The following EXOC2 variants were observed in gnomAD, a reference collection of about 807,000 sequenced individuals.
The protein encoded by EXOC2 is SEC5-like 1.
EXOC2 carries 70 observed loss-of-function variants against 131.8 expected under a neutral mutation model. The ratio of observed to expected loss-of-function variants is 0.53; its 90% CI spans 0.44 to 0.65. EXOC2 has a LOEUF of 0.65. Among genes scored for constraint, EXOC2 ranks in the 30% least tolerant of loss-of-function variants. The probability of loss-of-function intolerance (pLI) is 0.00; values close to 1 mark genes in which losing one functional copy is unlikely to be tolerated. For missense variants in EXOC2, 923 were observed against 1,108.6 expected, an observed-to-expected ratio of 0.83 and a Z score of 2.38; for synonymous variants, 411 against 398.4, an observed-to-expected ratio of 1.03 and a Z score of -0.38.
chr6:664,406 AC>A (rs1262783329), intron 1 of EXOC2, among the ~76,000 whole-genome samples: 10 of 145,228 alleles, frequency 6.9e-5, no homozygotes, highest in Admixed American at 6.1e-4. Flanking sequence ...CAATCCTACC[AC>A]CATCACTCTA....
intron 11 of EXOC2, 139 bp downstream of exon 11, chr6:592,330 A>G: frequency 1.4e-6 from 1 of 730,942 alleles, no homozygotes; most frequent in Non-Finnish European, 2.2e-6. Context: ...GTGGCCAAAA[A>G]AACCACAAAA....
chr6:634,243 G>C lies in EXOC2; in HGVS notation c.119-1126C>G, dbSNP rs556869996. On this transcript the variant is annotated intron_variant, in intron 2 of 27. Coordinates refer to ENST00000230449, the MANE Select transcript of EXOC2 (RefSeq NM_018303.6). ...ACCACGCTCGGCTAGTTTTTTTGTT[G>C]TTGTTTTGTTTTTGTATTTTTTTTA... is the stretch of plus-strand genomic sequence containing the variant. 2.0e-4 allele frequency among the ~76,000 whole-genome samples: 31 copies of C among 152,016 alleles called. No homozygotes were observed. The East Asian group carries it at 3.7e-3, about 18-fold the overall frequency.
intron 13 of EXOC2, among the ~76,000 whole-genome samples, chr6:567,058 T>G (rs1408283417): frequency 6.6e-6 from 1 of 152,226 alleles, no homozygotes; most frequent in Non-Finnish European, 1.5e-5. Flanking sequence ...ACCACCACTG[T>G]TTCCTGCCTG....
intron 1 of EXOC2, among the ~76,000 whole-genome samples, chr6:659,157 C>A (rs1419268176): frequency 6.6e-6 from 1 of 152,138 alleles, no homozygotes; most frequent in Non-Finnish European, 1.5e-5. Context: ...ATCTTACTAT[C>A]TTCATGTACT....
At chr6:542,735 G>A (rs1340141461) in intron 22 of EXOC2, among the ~76,000 whole-genome samples, 1 of 152,196 alleles carries the variant, frequency 6.6e-6, no homozygotes, top group Non-Finnish European at 1.5e-5. Context: ...AGCTGGCATT[G>A]AATGTGTACT....
At chr6:542,243 C>T (rs191379592) in intron 22 of EXOC2, among the ~76,000 whole-genome samples, 8 of 152,294 alleles carry the variant, frequency 5.3e-5, no homozygotes, top group African/African-American at 1.2e-4. Flanking sequence ...TTACATCCTA[C>T]ATTATGCGAT....
At chr6:595,616 A>G (rs1759770290) in intron 10 of EXOC2, among the ~76,000 whole-genome samples, 2 of 150,874 alleles carry the variant, frequency 1.3e-5, no homozygotes. Flanking sequence ...AAAACTGCAC[A>G]TGAGTTATCC....
At chr6:573,503 A>C (rs1445978744) in intron 12 of EXOC2, among the ~76,000 whole-genome samples, 1 of 151,976 alleles carries the variant, frequency 6.6e-6, no homozygotes, top group Non-Finnish European at 1.5e-5. Flanking sequence ...TCAGGCTCTA[A>C]CTCCTACTCA....
At chr6:662,757 A>G (rs1001333010) in intron 1 of EXOC2, among the ~76,000 whole-genome samples, 5 of 152,230 alleles carry the variant, frequency 3.3e-5, no homozygotes, top group African/African-American at 1.2e-4. Context: ...TAGAGAAACA[A>G]GAACAAACCA....
chr6:557,923 A>G (rs535660750), intron 17 of EXOC2, among the ~76,000 whole-genome samples: 1 of 151,964 alleles, frequency 6.6e-6, no homozygotes, highest in South Asian at 2.1e-4. Flanking sequence ...GTAGGAGGCC[A>G]GGCTTCATCC....
At chr6:662,299 A>G (rs1386405438) in intron 1 of EXOC2, among the ~76,000 whole-genome samples, 1 of 152,232 alleles carries the variant, frequency 6.6e-6, no homozygotes, top group Non-Finnish European at 1.5e-5. Flanking sequence ...CTTGGAACAA[A>G]TGGACTTAAC....
intron 1 of EXOC2, among the ~76,000 whole-genome samples, chr6:658,115 G>A (rs975428799): frequency 4.6e-5 from 7 of 151,964 alleles, no homozygotes; most frequent in African/African-American, 1.5e-4. Flanking sequence ...TTGGAGTACC[G>A]AATGCCTAGC....
chr6:546,018 T>C (rs1756832718), intron 22 of EXOC2, among the ~76,000 whole-genome samples: 1 of 152,202 alleles, frequency 6.6e-6, no homozygotes, highest in South Asian at 2.1e-4. Flanking sequence ...TGTTTCATAT[T>C]TTTATAACAT....
chr6:523,709 G>A lies in EXOC2; in HGVS notation c.2380+8760C>T, dbSNP rs369047603. Among the ~76,000 whole-genome samples the A allele has an allele frequency of 2.6e-5, 4 of 152,170 alleles. No individual in the cohort carries two copies. The East Asian group carries it at 5.8e-4, about 22-fold the overall frequency. ...AAAAATTGTTTGTTTTTTGAGACAG[G>A]GTCTCTCCCTGTTGCCCAGGCTGGA... On this transcript the variant is annotated intron_variant, in intron 23 of 27. Transcript: ENST00000230449.
intron 1 of EXOC2, chr6:669,731 T>C (rs915109414): frequency 5.9e-5 from 9 of 152,372 alleles, no homozygotes; most frequent in African/African-American, 1.9e-4. Context: ...ACAGTGATGG[T>C]GTGGCCCTCC....
At position 545,637 on chromosome 6, in the gene EXOC2, A is replaced by T. The variant is rs538000956; in HGVS notation, c.2238+3538T>A. ...TATCGAATTAAACATCGTAATTAAA[A>T]AGATGACAGAAATGTGATGAGATCA... On this transcript the variant is annotated intron_variant, in intron 22 of 27. Coordinates refer to ENST00000230449, the MANE Select transcript of EXOC2 (RefSeq NM_018303.6). Among the ~76,000 whole-genome samples the T allele has an allele frequency of 2.6e-5, 4 of 152,328 alleles. No individual in the cohort carries two copies. In the South Asian group the frequency reaches 8.3e-4, roughly 32 times the overall value.
chr6:544,543 T>C lies in EXOC2; in HGVS notation c.2238+4632A>G, dbSNP rs561052865. Among the ~76,000 whole-genome samples the C allele has an allele frequency of 2.4e-3, 359 of 152,348 alleles. 2 individuals carry two copies. The highest frequency in any genetic ancestry group is 8.1e-3 in the African/African-American group (335 of 41,566). On this transcript the variant is annotated intron_variant, in intron 22 of 27. Transcript: ENST00000230449. ...TATAAAATAGCCTGTAAACAAAATT[T>C]AGCTGATTTTGTTTATACGTATAAC...
chr6:615,047 T>C (rs916345217), intron 6 of EXOC2, among the ~76,000 whole-genome samples: 17 of 152,082 alleles, frequency 1.1e-4, no homozygotes, highest in Admixed American at 7.2e-4. Flanking sequence ...AAAGGGCCTA[T>C]AACATGAATT....
intron 11 of EXOC2, among the ~76,000 whole-genome samples, chr6:582,847 G>A (rs1329816665): frequency 6.6e-6 from 1 of 152,102 alleles, no homozygotes; most frequent in Non-Finnish European, 1.5e-5. Context: ...GGGAGGCACA[G>A]TTAAGAAGCC....
Sources: gnomAD v4.1 joint callset for allele counts (sites outside exome capture counted in the v4.1 genomes callset) on GRCh38, gnomAD v4.1.1 for gene constraint, MANE v1.5 for transcripts, NCBI Gene and HGNC (gene_info 2026-07-23, HGNC 2026-07-21) for gene names.